ASB18: variants seen among roughly 807,000 people sequenced by gnomAD.
ASB18 encodes the protein ankyrin repeat and SOCS box containing 18.
ASB18 carries 33 observed loss-of-function variants against 33.4 expected under a neutral mutation model. The ratio of observed to expected loss-of-function variants is 0.99; its 90% CI spans 0.75 to 1.32. The LOEUF (loss-of-function observed/expected upper bound fraction) is 1.32, where lower values mean the gene tolerates loss of function less well. Ranked by LOEUF, ASB18 falls within the 40% of genes most tolerant of loss-of-function variation. The pLI is 0.00. For missense variants in ASB18, 694 were observed against 655.5 expected (o/e 1.06, Z -0.64); for synonymous variants, 295 against 307.6 (o/e 0.96, Z 0.43).
chr2:236,233,618 G>A (rs1460994071), intron 3 of ASB18, among the ~76,000 whole-genome samples: 1 of 152,084 alleles, frequency 6.6e-6, no homozygotes, highest in Non-Finnish European at 1.5e-5. Flanking sequence ...ATTTCATATA[G>A]TAGTTACACA....
rs997840677 is a variant in ASB18 at position 236,251,725 on chromosome 2, G to A, written c.206-10323C>T. The stretch of plus-strand genomic sequence containing the variant: ...GGAAAAAAAATGATAAGAACTGTAA[G>A]TGACTGCTGAAACACTGGACTGCTA... On this transcript the variant is annotated intron_variant, in intron 1 of 5. Transcript: ENST00000409749. This position sits in a 1 kb window ranked among gnomAD's most constrained non-coding sequence, Gnocchi z 5.3. Among the ~76,000 whole-genome samples the A allele has an allele frequency of 4.6e-5, 7 of 152,194 alleles. No homozygotes were observed. Among genetic ancestry groups the A allele is most frequent in the Non-Finnish European group, 1.0e-4 (7 of 68,038 alleles).
At position 236,214,793 on chromosome 2, in the gene ASB18, GC is replaced by G; in HGVS notation, c.669del (p.His224ThrfsTer33). On this transcript the variant is annotated frameshift_variant, in exon 4 of 6. Transcript: ENST00000409749. LOFTEE classifies it high-confidence loss of function. The surrounding 1 kb of genome is among the most constrained non-coding windows in gnomAD (Gnocchi z 6.5). ...TCCAGGCCGCGCTGCGCCGCCACGT[GC>G]AGCGGCGTGTCCCGGCCCGTGCCGC... ...RVGGTGRDTPLHVAAQRGLDE... is the reference protein window; with the variant it reads ...RVGGTGRDTPXHVAAQRGLDE... 1 of 1,205,524 alleles carries G rather than the reference GC, an allele frequency of 8.3e-7. No homozygotes were observed. Among genetic ancestry groups the G allele is most frequent in the Non-Finnish European group, 1.0e-6 (1 of 970,604 alleles). 74.7% of individuals were successfully genotyped at this position (1,205,524 alleles called of 1,614,324 possible).
Position 236,223,069 on chromosome 2 carries a change from T to C in ASB18, c.597-8203A>G, listed in dbSNP as rs1458134483. On this transcript the variant is annotated intron_variant, in intron 3 of 5. Transcript: ENST00000409749. This position sits in a 1 kb window ranked among gnomAD's most constrained non-coding sequence, Gnocchi z 4.6. The stretch of plus-strand genomic sequence containing the variant: ...CATCCCTGTTCCTGCTTTCACTGTG[T>C]GGTGTGCCTGCTTGCTGTTTGCCTT... 5.3e-5 allele frequency among the ~76,000 whole-genome samples: 8 copies of C among 152,172 alleles called. No homozygotes were observed. Among genetic ancestry groups the C allele is most frequent in the Admixed American group, 3.3e-4 (5 of 15,284 alleles).
In ASB18 at chr2:236,221,957, G is replaced by T. The variant is rs1053096808; in HGVS notation, c.597-7091C>A. Among the ~76,000 whole-genome samples, 3 of 152,234 alleles carry T rather than the reference G, an allele frequency of 2.0e-5. No individual in the cohort carries two copies. The highest frequency in any genetic ancestry group is 7.2e-5 in the African/African-American group (3 of 41,450). On this transcript the variant is annotated intron_variant, in intron 3 of 5. Transcript: ENST00000409749. This position sits in a 1 kb window ranked among gnomAD's most constrained non-coding sequence, Gnocchi z 5.6. ...GCTGCAGCTGAAGGCTGGGTCCCAG[G>T]GTGGGTGCTGGGCATGTGCCAGCCT...
In ASB18 at chr2:236,232,959, G is replaced by T. The variant is rs566707066; in HGVS notation, c.596+4730C>A. Reference sequence around the variant, plus strand: ...TTATTTCTGAGACCAGCATTACTCTGATGCCAAAACCAGACAAAGGTATTA... The same window carrying T: ...TTATTTCTGAGACCAGCATTACTCTTATGCCAAAACCAGACAAAGGTATTA... On this transcript the variant is annotated intron_variant, in intron 3 of 5. Transcript: ENST00000409749. Among the ~76,000 whole-genome samples the T allele has an allele frequency of 9.2e-5, 14 of 152,110 alleles. No individual in the cohort carries two copies. The East Asian group carries it at 2.7e-3, about 29-fold the overall frequency.
chr2:236,256,827 A>G lies in ASB18; in HGVS notation c.205+7314T>C, dbSNP rs2060694575. Among the ~76,000 whole-genome samples, 1 of 152,088 alleles carries G rather than the reference A, an allele frequency of 6.6e-6. No homozygotes were observed. The highest frequency in any genetic ancestry group is 2.4e-5 in the African/African-American group (1 of 41,396). Reference sequence around the variant, plus strand: ...GTCCATATGCCTTTGAAGCCGGACCATTAGCTCTAAGGCATGCATCTCATC... The same window carrying G: ...GTCCATATGCCTTTGAAGCCGGACCGTTAGCTCTAAGGCATGCATCTCATC... On this transcript the variant is annotated intron_variant, in intron 1 of 5. Coordinates refer to ENST00000409749, the MANE Select transcript of ASB18 (RefSeq NM_212556.4). The surrounding 1 kb of genome is among the most constrained non-coding windows in gnomAD (Gnocchi z 4.7).
Position 236,228,117 on chromosome 2 carries a change from A to T in ASB18, c.596+9572T>A, listed in dbSNP as rs1465067082. On this transcript the variant is annotated intron_variant, in intron 3 of 5. Transcript: ENST00000409749. The surrounding 1 kb of genome is among the most constrained non-coding windows in gnomAD (Gnocchi z 5.1). ...ATCATCTATCAGATGAGTCAAGAAC[A>T]AAAATTGGAAGTGAATGCAAGGTAG... is the stretch of plus-strand genomic sequence containing the variant. Among the ~76,000 whole-genome samples the T allele has an allele frequency of 6.6e-6, 1 of 152,244 alleles. No individual in the cohort carries two copies. The highest frequency in any genetic ancestry group is 1.9e-4 in the East Asian group (1 of 5,202).
At position 236,263,006 on chromosome 2, in the gene ASB18, G is replaced by T. The variant is rs6752901; in HGVS notation, c.205+1135C>A. ...CATCTGTGTTCCTCCTGCATGTTGCGCACACGTGTGCATGTGATGCATGTA... is the reference window on the plus strand; with the variant it reads ...CATCTGTGTTCCTCCTGCATGTTGCTCACACGTGTGCATGTGATGCATGTA... On this transcript the variant is annotated intron_variant, in intron 1 of 5. Transcript: ENST00000409749. This position sits in a 1 kb window ranked among gnomAD's most constrained non-coding sequence, Gnocchi z 4.0. Among the ~76,000 whole-genome samples, 1 of 152,082 alleles carries T rather than the reference G, an allele frequency of 6.6e-6. No homozygotes were observed. The highest frequency in any genetic ancestry group is 2.4e-5 in the African/African-American group (1 of 41,408).
intron 3 of ASB18, among the ~76,000 whole-genome samples, chr2:236,232,270 A>T (rs936915725): frequency 5.3e-5 from 8 of 151,882 alleles, no homozygotes. Flanking sequence ...TCAAAAAAAA[A>T]AAAAGAAAAT....
chr2:236,214,910 C>T lies in ASB18; in HGVS notation c.597-44G>A, dbSNP rs1459032749. 8.3e-6 allele frequency: 10 copies of T among 1,203,120 alleles called. No individual in the cohort carries two copies. In the East Asian group the frequency reaches 1.4e-4, roughly 16 times the overall value. The allele number at this position is 1,203,120 out of a possible 1,614,324, so 74.5% of individuals were successfully genotyped here. A position where few individuals can be genotyped will look rare whatever the true frequency, so the allele number is the denominator to read the frequency against. The stretch of plus-strand genomic sequence containing the variant: ...TGTCACTCGGGCGCCACGCAGGACG[C>T]CCGCACCCTTCCACCCCCGGCCTGC... On this transcript the variant is annotated intron_variant, in intron 3 of 5. Coordinates refer to ENST00000409749, the MANE Select transcript of ASB18 (RefSeq NM_212556.4). The surrounding 1 kb of genome is among the most constrained non-coding windows in gnomAD (Gnocchi z 6.5).
chr2:236,222,080 C>T lies in ASB18; in HGVS notation c.597-7214G>A, dbSNP rs1201816478. On this transcript the variant is annotated intron_variant, in intron 3 of 5. Coordinates refer to ENST00000409749, the MANE Select transcript of ASB18 (RefSeq NM_212556.4). This position sits in a 1 kb window ranked among gnomAD's most constrained non-coding sequence, Gnocchi z 5.5. ...GGTTTCCTCCTGTGGCTCTATGCCC[C>T]AGCTGACTCCGATGAAGGACGGGGA... Among the ~76,000 whole-genome samples the T allele has an allele frequency of 6.6e-6, 1 of 152,152 alleles. No homozygotes were observed. Among genetic ancestry groups the T allele is most frequent in the Non-Finnish European group, 1.5e-5 (1 of 68,028 alleles).
chr2:236,202,119 T>G (rs2060406148), intron 4 of ASB18, among the ~76,000 whole-genome samples: 1 of 151,996 alleles, frequency 6.6e-6, no homozygotes, highest in Admixed American at 6.6e-5. Flanking sequence ...CTGGCTAATT[T>G]TTTTGTATTT....
At chr2:236,233,182 T>C (rs2060574554) in intron 3 of ASB18, among the ~76,000 whole-genome samples, 1 of 152,072 alleles carries the variant, frequency 6.6e-6, no homozygotes, top group African/African-American at 2.4e-5. Context: ...CAGACAAAAC[T>C]TATACCTCAT....
chr2:236,241,372 T>C lies in ASB18; in HGVS notation c.236A>G (p.Asp79Gly), dbSNP rs759847085. The stretch of plus-strand genomic sequence containing the variant: ...CACGTTGGCATCCTGGAAGAACTGG[T>C]CCATGAGGGGCTTCAGATGGTCGAG... The part of the protein sequence containing the change: ...GDLDHLKPLM[D>G]QFFQDANVVF... Residue 79 changes from aspartate (D) to glycine (G), a missense_variant, in exon 2 of 6, where the codon GAC (aspartate) becomes GGC (glycine). Coordinates refer to ENST00000409749, the MANE Select transcript of ASB18 (RefSeq NM_212556.4). This position sits in a 1 kb window ranked among gnomAD's most constrained non-coding sequence, Gnocchi z 4.2. 1.9e-6 allele frequency: 3 copies of C among 1,613,976 alleles called. No homozygotes were observed. The highest frequency in any genetic ancestry group is 3.3e-5 in the Admixed American group (2 of 60,022).
rs1466013417 is a variant in ASB18 at position 236,196,684 on chromosome 2, G to A, written c.1102-299C>T. ...TTCAGGTTCCCAGGGGGGCTATGCT[G>A]GTGGCTTGGCAGGCCTCCTTGGCCC... On this transcript the variant is annotated intron_variant, in intron 4 of 5. Coordinates refer to ENST00000409749, the MANE Select transcript of ASB18 (RefSeq NM_212556.4). This position sits in a 1 kb window ranked among gnomAD's most constrained non-coding sequence, Gnocchi z 5.6. Among the ~76,000 whole-genome samples, 3 of 152,226 alleles carry A rather than the reference G, an allele frequency of 2.0e-5. No homozygotes were observed. The highest frequency in any genetic ancestry group is 7.2e-5 in the African/African-American group (3 of 41,464).
intron 1 of ASB18, among the ~76,000 whole-genome samples, chr2:236,242,647 G>A (rs1010182783): frequency 1.3e-5 from 2 of 151,728 alleles, no homozygotes; most frequent in Non-Finnish European, 1.5e-5. Context: ...ATTATTTTTC[G>A]TAGAGATGGG....
rs1396053253 is a variant in ASB18 at position 236,195,721 on chromosome 2, G to A, written c.1215+551C>T. On this transcript the variant is annotated intron_variant, in intron 5 of 5. Coordinates refer to ENST00000409749, the MANE Select transcript of ASB18 (RefSeq NM_212556.4). The surrounding 1 kb of genome is among the most constrained non-coding windows in gnomAD (Gnocchi z 5.5). ...AGTAAAGACAAGCTTTCACCATGTT[G>A]GCCAGTCTGGTCTTGAACTCCTGAC... Among the ~76,000 whole-genome samples the A allele has an allele frequency of 6.6e-6, 1 of 152,042 alleles. No homozygotes were observed. Among genetic ancestry groups the A allele is most frequent in the East Asian group, 1.9e-4 (1 of 5,174 alleles).
At chr2:236,218,896 G>T (rs1319967455) in intron 3 of ASB18, among the ~76,000 whole-genome samples, 1 of 151,498 alleles carries the variant, frequency 6.6e-6, no homozygotes, top group Non-Finnish European at 1.5e-5. Context: ...TAGAGACAGG[G>T]TCTTGCTCTA....
At position 236,229,366 on chromosome 2, in the gene ASB18, T is replaced by C. The variant is rs1268410516; in HGVS notation, c.596+8323A>G. ...GAGGCTGAGCAAAATGAACAGAGCA[T>C]CAGTGAACTGTGGAACAATCTTAAG... On this transcript the variant is annotated intron_variant, in intron 3 of 5. Transcript: ENST00000409749. The surrounding 1 kb of genome is among the most constrained non-coding windows in gnomAD (Gnocchi z 5.2). Among the ~76,000 whole-genome samples, 1 of 152,094 alleles carries C rather than the reference T, an allele frequency of 6.6e-6. No individual in the cohort carries two copies. The highest frequency in any genetic ancestry group is 2.4e-5 in the African/African-American group (1 of 41,424).
Sources: gnomAD v4.1 joint callset for allele counts (sites outside exome capture counted in the v4.1 genomes callset) on GRCh38, gnomAD v4.1.1 for gene constraint, Gnocchi (gnomAD v3.1) non-coding constraint, MANE v1.5 for transcripts, NCBI Gene and HGNC (gene_info 2026-07-23, HGNC 2026-07-21) for gene names.